The following SP100 variants were observed in gnomAD, a reference collection of about 807,000 sequenced individuals.
The protein encoded by SP100 is SP100 nuclear body protein.
Under a neutral mutation model 130.0 loss-of-function variants are expected in SP100, and 84 were observed. The ratio of observed to expected loss-of-function variants is 0.65; its 90% CI spans 0.54 to 0.77. The LOEUF is 0.77. Among genes scored for constraint, SP100 ranks in the 30% least tolerant of loss-of-function variants. The pLI is 0.00. For missense variants in SP100, 978 were observed against 1,052.2 expected, an observed-to-expected ratio of 0.93 and a Z score of 0.97; for synonymous variants, 331 against 351.7, an observed-to-expected ratio of 0.94 and a Z score of 0.66.
At chr2:230,456,280 T>C (rs2064271910) in intron 8 of SP100, among the ~76,000 whole-genome samples, 1 of 152,194 alleles carries the variant, frequency 6.6e-6, no homozygotes, top group Non-Finnish European at 1.5e-5. Flanking sequence ...TCCACTGTTG[T>C]CCTTATTAAA....
chr2:230,489,582 T>C (rs1396752040), intron 17 of SP100, among the ~76,000 whole-genome samples: 1 of 152,228 alleles, frequency 6.6e-6, no homozygotes, highest in Non-Finnish European at 1.5e-5. Flanking sequence ...CTCTTGTCTC[T>C]CTGGCTCTTT....
intron 24 of SP100, among the ~76,000 whole-genome samples, chr2:230,519,412 A>G (rs1691065320): frequency 6.6e-6 from 1 of 152,122 alleles, no homozygotes; most frequent in African/African-American, 2.4e-5. Flanking sequence ...TAATTGTTTC[A>G]TTTTCATTCT....
At chr2:230,460,425 A>G (rs73998810) in intron 8 of SP100, among the ~76,000 whole-genome samples, 5,806 of 112,506 alleles carry the variant, frequency 0.052, 383 homozygotes, top group African/African-American at 0.15. Context: ...TAAAGGGAGA[A>G]AGAAAGAGTG....
chr2:230,520,133 G>C (rs1017726246), intron 24 of SP100, among the ~76,000 whole-genome samples: 4 of 152,108 alleles, frequency 2.6e-5, no homozygotes, highest in South Asian at 2.1e-4. Flanking sequence ...GAAGTTTCAG[G>C]GTATTCATGG....
In SP100 at chr2:230,494,412, G is replaced by A; in HGVS notation, c.1601-4G>A. The A allele has an allele frequency of 6.3e-7, 1 of 1,589,136 alleles. No individual in the cohort carries two copies. Reference sequence around the variant, plus strand: ...GGATTATTTTCTTTCTTTTCTGTTTGCAGGAAAAAAGAGAAGGCATAGATC... The same window carrying A: ...GGATTATTTTCTTTCTTTTCTGTTTACAGGAAAAAAGAGAAGGCATAGATC... On this transcript the variant is annotated splice_region_variant and splice_polypyrimidine_tract_variant and intron_variant, in intron 17 of 28. Coordinates refer to ENST00000340126, the MANE Select transcript of SP100 (RefSeq NM_001080391.2).
At chr2:230,542,215 C>A (rs1692205842) in intron 28 of SP100, among the ~76,000 whole-genome samples, 180 bp downstream of exon 28, 1 of 152,140 alleles carries the variant, frequency 6.6e-6, no homozygotes, top group African/African-American at 2.4e-5. Context: ...AAAATAACAA[C>A]AAACTGGAAG....
chr2:230,538,747 G>C (rs59272166), intron 24 of SP100: 1 of 153,634 alleles, frequency 6.5e-6, no homozygotes, highest in African/African-American at 2.4e-5. Flanking sequence ...TTCCATCCCA[G>C]AGGTACTGCT....
chr2:230,428,275 G>C (rs867880790), intron 2 of SP100, among the ~76,000 whole-genome samples: 1 of 152,138 alleles, frequency 6.6e-6, no homozygotes, highest in South Asian at 2.1e-4. Flanking sequence ...CTGAGACTGT[G>C]TAATTTATAA....
intron 2 of SP100, among the ~76,000 whole-genome samples, chr2:230,427,780 C>T (rs1380302719): frequency 6.6e-6 from 1 of 152,140 alleles, no homozygotes; most frequent in East Asian, 1.9e-4. Context: ...CTATACCATC[C>T]TATTTTAAGC....
rs182790552 is a variant in SP100, at chr2:230,521,211, G to C, written c.2094+10045G>C. On this transcript the variant is annotated intron_variant, in intron 24 of 28. Coordinates refer to ENST00000340126, the MANE Select transcript of SP100 (RefSeq NM_001080391.2). The stretch of plus-strand genomic sequence containing the variant: ...TGCCAAACTTGAAACTTACCCAACT[G>C]TCCCATAGAACTGATCTTTATAGTT... 1.4e-4 allele frequency among the ~76,000 whole-genome samples: 22 copies of C among 152,264 alleles called. No individual in the cohort carries two copies. In the East Asian group the frequency reaches 4.3e-3, roughly 29 times the overall value.
chr2:230,460,594 T>TGATCAAAG (rs1559500305), intron 8 of SP100, among the ~76,000 whole-genome samples: 1 of 7,412 alleles, frequency 1.3e-4, no homozygotes, highest in African/African-American at 6.4e-4. Context: ...ATCTGTTTCT[T>TGATCAAAG]TTTTTTTTTT....
At chr2:230,457,301 A>T (rs1301081691) in intron 8 of SP100, among the ~76,000 whole-genome samples, 2 of 152,194 alleles carry the variant, frequency 1.3e-5, no homozygotes, top group Non-Finnish European at 2.9e-5. Flanking sequence ...TGCTGCTAGG[A>T]TGGGCCTCAA....
chr2:230,490,632 C>G lies in SP100; in HGVS notation c.1601-3784C>G, dbSNP rs1174991946. 3.9e-5 allele frequency among the ~76,000 whole-genome samples: 6 copies of G among 152,018 alleles called. No homozygotes were observed. In the South Asian group the frequency reaches 1.2e-3, roughly 32 times the overall value. ...GTGTTTTTGCAGTGGCTGGTACTGG[C>G]TTTTTCTTTATTTTAGTGCTTCTTT... On this transcript the variant is annotated intron_variant, in intron 17 of 28. Transcript: ENST00000340126.
At chr2:230,530,877 T>A (rs575515679) in intron 24 of SP100, among the ~76,000 whole-genome samples, 13 of 152,266 alleles carry the variant, frequency 8.5e-5, no homozygotes, top group Admixed American at 4.6e-4. Flanking sequence ...AGATACCATC[T>A]CACGCCAGGT....
chr2:230,524,353 T>C (rs1368616213), intron 24 of SP100, among the ~76,000 whole-genome samples: 2 of 94,030 alleles, frequency 2.1e-5, no homozygotes, highest in African/African-American at 4.0e-5. Context: ...TGAGATTCCA[T>C]CTCAAAAAAA....
chr2:230,533,685 A>T (rs1171669513), intron 24 of SP100, among the ~76,000 whole-genome samples: 1 of 152,238 alleles, frequency 6.6e-6, no homozygotes, highest in Non-Finnish European at 1.5e-5. Context: ...AGGGACTGTC[A>T]TGGCAGATGT....
chr2:230,469,037 T>G lies in SP100; in HGVS notation c.1292-6T>G. On this transcript the variant is annotated splice_region_variant and splice_polypyrimidine_tract_variant and intron_variant, in intron 13 of 28. Coordinates refer to ENST00000340126, the MANE Select transcript of SP100 (RefSeq NM_001080391.2). ...ATTATTGATTTGGTTTTCCTTTACT[T>G]TCTAGCTCCTATGACTTCTAGAAGT... The G allele has an allele frequency of 6.4e-7, 1 of 1,571,712 alleles. No individual in the cohort carries two copies. Among genetic ancestry groups the G allele is most frequent in the South Asian group, 1.1e-5 (1 of 87,692 alleles).
intron 8 of SP100, among the ~76,000 whole-genome samples, chr2:230,458,676 G>A (rs964388013): frequency 3.9e-5 from 6 of 152,156 alleles, no homozygotes; most frequent in Admixed American, 3.9e-4. Context: ...AAGCCCAGGT[G>A]AAAGACCTTC....
At chr2:230,439,103 G>A (rs2063388084) in intron 2 of SP100, among the ~76,000 whole-genome samples, 1 of 152,090 alleles carries the variant, frequency 6.6e-6, no homozygotes, top group Non-Finnish European at 1.5e-5. Flanking sequence ...CTGATAATTA[G>A]TGATGTTGAG....
Sources: allele counts gnomAD v4.1 joint callset (sites outside exome capture counted in the v4.1 genomes callset), GRCh38; gene constraint gnomAD v4.1.1; transcripts MANE v1.5; gene names NCBI Gene and HGNC (gene_info 2026-07-23, HGNC 2026-07-21).